Variants in ARHGAP8 observed in about 807,000 individuals in gnomAD.
ARHGAP8 encodes the protein Rho GTPase activating protein 8.
ARHGAP8 carries 62 observed loss-of-function variants against 46.1 expected under a neutral mutation model. That is an observed-to-expected ratio of 1.34 (90% CI 1.10 to 1.66). The LOEUF (loss-of-function observed/expected upper bound fraction) is 1.66, where lower values mean the gene tolerates loss of function less well. ARHGAP8 is among the 40% of genes most tolerant of loss of function. ARHGAP8 has a pLI of 0.00. For missense variants in ARHGAP8, 923 were observed against 568.4 expected, an observed-to-expected ratio of 1.62 and a Z score of -6.34; for synonymous variants, 375 against 243.1, an observed-to-expected ratio of 1.54 and a Z score of -5.05.
At chr22:44,836,220 C>G (rs1569171037) in intron 7 of ARHGAP8, among the ~76,000 whole-genome samples, 1 of 152,126 alleles carries the variant, frequency 6.6e-6, no homozygotes, top group Non-Finnish European at 1.5e-5. Context: ...AGACTGTGAT[C>G]TGTACCTTTT....
chr22:44,777,790 G>A (rs1208135079), intron 1 of ARHGAP8, among the ~76,000 whole-genome samples: 1 of 152,052 alleles, frequency 6.6e-6, no homozygotes, highest in Non-Finnish European at 1.5e-5. Context: ...CCGCCTCCCG[G>A]GCTCAAGCGG....
At chr22:44,787,153 C>T (rs371139177) in intron 2 of ARHGAP8, among the ~76,000 whole-genome samples, 4 of 152,042 alleles carry the variant, frequency 2.6e-5, no homozygotes, top group East Asian at 1.9e-4. Context: ...GAGAAGCCAA[C>T]GGGCAGTGTC....
chr22:44,825,774 G>T (rs5765037), intron 7 of ARHGAP8, among the ~76,000 whole-genome samples, 181 bp downstream of exon 7: 2 of 148,622 alleles, frequency 1.3e-5, no homozygotes, highest in African/African-American at 5.0e-5. Flanking sequence ...TGCCTGGTTG[G>T]GGGGGCGCGT....
intron 5 of ARHGAP8, among the ~76,000 whole-genome samples, chr22:44,819,806 A>G (rs943360101): frequency 7.9e-5 from 12 of 152,224 alleles, no homozygotes; most frequent in African/African-American, 2.9e-4. Context: ...TCCAAAGAAG[A>G]GGAGGTTGGT....
At chr22:44,790,295 T>C (rs558055948) in intron 2 of ARHGAP8, among the ~76,000 whole-genome samples, 4 of 152,108 alleles carry the variant, frequency 2.6e-5, no homozygotes, top group African/African-American at 9.6e-5. Context: ...GCTGGTGGCC[T>C]AGCTGAAACC....
At chr22:44,849,125 G>C (rs1569179150) in intron 10 of ARHGAP8, 65 bp downstream of exon 10, 10 of 1,604,086 alleles carry the variant, frequency 6.2e-6, no homozygotes, top group Non-Finnish European at 8.5e-6. Flanking sequence ...CCAGCTACTG[G>C]CCCAGGGTCA....
intron 7 of ARHGAP8, among the ~76,000 whole-genome samples, chr22:44,826,190 C>T (rs778540192): frequency 2.2e-4 from 33 of 152,156 alleles, no homozygotes; most frequent in African/African-American, 5.5e-4. Context: ...GGCCTGGGTC[C>T]GGTAGAGACG....
chr22:44,791,223 C>T (rs371632997), intron 2 of ARHGAP8, among the ~76,000 whole-genome samples: 3 of 152,184 alleles, frequency 2.0e-5, no homozygotes, highest in African/African-American at 4.8e-5. Context: ...GTGGTCCTTC[C>T]GTGTCATTAG....
intron 1 of ARHGAP8, among the ~76,000 whole-genome samples, chr22:44,753,927 G>C (rs1924458410): frequency 6.6e-6 from 1 of 152,224 alleles, no homozygotes; most frequent in South Asian, 2.1e-4. Context: ...ATGTCCTTTG[G>C]TTGGCCTCTC....
Position 44,859,999 on chromosome 22 carries a change from A to C in ARHGAP8, c.981+165A>C, listed in dbSNP as rs572680179. On this transcript the variant is annotated intron_variant, in intron 11 of 11. Coordinates refer to ENST00000356099, the MANE Select transcript of ARHGAP8 (RefSeq NM_181335.3). ...CAAGGACCTCATCCAAGGCCTGGTC[A>C]GGCACCCATGCTGCTGCGGACCTCC... Among the ~76,000 whole-genome samples, 49 of 139,686 alleles carry C rather than the reference A, an allele frequency of 3.5e-4. No individual in the cohort carries two copies. In the South Asian group the frequency reaches 0.01, roughly 29 times the overall value. The allele number at this position is 139,686 out of a possible 152,430, so 91.6% of individuals were successfully genotyped here. A position where few individuals can be genotyped will look rare whatever the true frequency, so the allele number is the denominator to read the frequency against.
At chr22:44,779,104 T>C (rs1327431178) in intron 1 of ARHGAP8, among the ~76,000 whole-genome samples, 1 of 150,654 alleles carries the variant, frequency 6.6e-6, no homozygotes, top group African/African-American at 2.4e-5. Context: ...TGACTTTTTT[T>C]TTTTTTTTTT....
chr22:44,812,343 CTTT>C (rs530097460), intron 4 of ARHGAP8, among the ~76,000 whole-genome samples: 1 of 134,280 alleles, frequency 7.4e-6, no homozygotes, highest in African/African-American at 2.8e-5. Context: ...CTCTCAGAGC[CTTT>C]TTTTTTTTTT....
In ARHGAP8 at chr22:44,777,031, T is replaced by C. The variant is rs192461598; in HGVS notation, c.-71-9426T>C. The C allele has an allele frequency of 2.0e-5, 3 of 152,556 alleles. No individual in the cohort carries two copies. In the East Asian group the frequency reaches 5.8e-4, roughly 29 times the overall value. The allele number at this position is 152,556 out of a possible 1,614,324, so 9.5% of individuals were successfully genotyped here. ...TTTTTGCCCTCAGGCTCCTGAGCTA[T>C]TGTAGGTTCTAGAAGCCTCTGCTGA... On this transcript the variant is annotated intron_variant, in intron 1 of 11. Coordinates refer to ENST00000356099, the MANE Select transcript of ARHGAP8 (RefSeq NM_181335.3).
chr22:44,808,556 G>T (rs1929099154), intron 4 of ARHGAP8, 118 bp downstream of exon 4: 1 of 1,515,482 alleles, frequency 6.6e-7, no homozygotes, highest in Non-Finnish European at 8.8e-7. Context: ...AGGGCGGAGG[G>T]TGGAGGGTGA....
chr22:44,759,467 T>C (rs1924952734), intron 1 of ARHGAP8, among the ~76,000 whole-genome samples: 1 of 151,756 alleles, frequency 6.6e-6, no homozygotes, highest in African/African-American at 2.4e-5. Flanking sequence ...TCAAGGGGGG[T>C]GCATTAGCCC....
chr22:44,786,656 C>A (rs1229594012), intron 2 of ARHGAP8, 50 bp downstream of exon 2: 3 of 1,568,568 alleles, frequency 1.9e-6, no homozygotes, highest in African/African-American at 1.4e-5. Context: ...AGCAGCCTTC[C>A]TCTCGGCAAC....
At chr22:44,775,495 T>G (rs1237742456) in intron 1 of ARHGAP8, among the ~76,000 whole-genome samples, 2 of 152,088 alleles carry the variant, frequency 1.3e-5, no homozygotes, top group African/African-American at 2.4e-5. Context: ...TTGCCCAGGC[T>G]GGAGTGCAAT....
Position 44,795,050 on chromosome 22 carries a change from A to AAC in ARHGAP8, c.80-7026_80-7025insCA, listed in dbSNP as rs554134622. Among the ~76,000 whole-genome samples, 672 of 151,982 alleles carry AAC rather than the reference A, an allele frequency of 4.4e-3. 2 individuals are homozygous for AAC. Among genetic ancestry groups the AAC allele is most frequent in the Non-Finnish European group, 7.3e-3 (495 of 67,952 alleles). Reference sequence around the variant, plus strand: ...AGCCAAACTCTGTCTCAAAAAAAAAAAAAACAAAAAACGAAATCTGTTGGT... The same window carrying AAC: ...AGCCAAACTCTGTCTCAAAAAAAAAAACAAAACAAAAAACGAAATCTGTTGGT... On this transcript the variant is annotated intron_variant, in intron 2 of 11. Transcript: ENST00000356099.
rs1277905141 is a variant in ARHGAP8 at position 44,822,358 on chromosome 22, T to C, written c.387-13T>C. 4 of 1,578,358 alleles carry C rather than the reference T, an allele frequency of 2.5e-6. No individual in the cohort carries two copies. The highest frequency in any genetic ancestry group is 2.6e-6 in the Non-Finnish European group (3 of 1,167,430). On this transcript the variant is annotated splice_polypyrimidine_tract_variant and intron_variant, in intron 5 of 11. Coordinates refer to ENST00000356099, the MANE Select transcript of ARHGAP8 (RefSeq NM_181335.3). Reference sequence around the variant, plus strand: ...CCTAATCGTTCTTTATTCTCTTGCTTCTGCTTTCTTAGTCACAAGTTTGGG... The same window carrying C: ...CCTAATCGTTCTTTATTCTCTTGCTCCTGCTTTCTTAGTCACAAGTTTGGG...
Sources: gnomAD v4.1 joint callset for allele counts (sites outside exome capture counted in the v4.1 genomes callset) on GRCh38, gnomAD v4.1.1 for gene constraint, MANE v1.5 for transcripts, NCBI Gene and HGNC (gene_info 2026-07-23, HGNC 2026-07-21) for gene names.